ANKS1B: variants seen among roughly 807,000 people sequenced by gnomAD.
ANKS1B encodes ankyrin repeat and sterile alpha motif domain containing 1B, also known as ankyrin repeat and sterile alpha motif domain-containing protein 1B.
ANKS1B carries 36 observed loss-of-function variants against 148.3 expected under a neutral mutation model. The observed-to-expected ratio is 0.24, with a 90% confidence interval of 0.19 to 0.32. The LOEUF (loss-of-function observed/expected upper bound fraction) is 0.32, where lower values mean the gene tolerates loss of function less well. ANKS1B is among the 10% of genes least tolerant of loss of function. The pLI is 1.00. For missense variants in ANKS1B, 1,157 were observed against 1,542.6 expected (o/e 0.75, Z 4.19); for synonymous variants, 542 against 560.8 (o/e 0.97, Z 0.47).
rs1278096216 is a variant in ANKS1B at position 99,865,672 on chromosome 12, G to A, written c.135-40283C>T. On this transcript the variant is annotated intron_variant, in intron 1 of 26. Coordinates refer to ENST00000683438, the MANE Select transcript of ANKS1B (RefSeq NM_001352186.2). The stretch of plus-strand genomic sequence containing the variant: ...ATATAGAGCAGACATCCGAACCCAA[G>A]TACTTAATAGTAGGAGGAAAAAGAA... Among the ~76,000 whole-genome samples the A allele has an allele frequency of 2.0e-5, 3 of 152,270 alleles. No homozygotes were observed. In the East Asian group the frequency reaches 5.8e-4, roughly 29 times the overall value.
chr12:99,606,471 T>C (rs1006837450), intron 9 of ANKS1B, among the ~76,000 whole-genome samples: 1 of 151,990 alleles, frequency 6.6e-6, no homozygotes, highest in African/African-American at 2.4e-5. Flanking sequence ...CTCATATTAG[T>C]ACAAATGATT....
intron 9 of ANKS1B, among the ~76,000 whole-genome samples, chr12:99,643,166 T>C (rs2098326978): frequency 6.6e-6 from 1 of 152,194 alleles, no homozygotes; most frequent in Non-Finnish European, 1.5e-5. Context: ...AATAATCACA[T>C]TCTTCCACAT....
chr12:99,439,809 C>T (rs2095520014), intron 11 of ANKS1B, among the ~76,000 whole-genome samples: 1 of 151,782 alleles, frequency 6.6e-6, no homozygotes, highest in African/African-American at 2.4e-5. Context: ...TATATGAAAA[C>T]ATATGTTTAT....
chr12:99,635,003 GA>G (rs1289928764), intron 9 of ANKS1B, among the ~76,000 whole-genome samples: 2 of 152,164 alleles, frequency 1.3e-5, no homozygotes, highest in Non-Finnish European at 2.9e-5. Context: ...ACAAGCACAT[GA>G]AAAGATGCCC....
chr12:99,481,692 A>G (rs1490018861), intron 10 of ANKS1B, among the ~76,000 whole-genome samples: 2 of 151,854 alleles, frequency 1.3e-5, no homozygotes, highest in Non-Finnish European at 2.9e-5. Flanking sequence ...CCACATCCAC[A>G]CCAACATTTG....
rs1182264550 is a variant in ANKS1B at position 98,769,165 on chromosome 12, C to CTTTTTTTTTTT, written c.3579+3866_3579+3876dup. 4.5e-3 allele frequency among the ~76,000 whole-genome samples: 185 copies of CTTTTTTTTTTT among 41,236 alleles called. 44 individuals carry two copies. The highest frequency in any genetic ancestry group is 7.1e-3 in the South Asian group (4 of 560). The allele number at this position is 41,236 out of a possible 152,430, so 27.1% of individuals were successfully genotyped here. ...TTGAGGTATTATAGGGTCTTCTTTACTTTTTTTTTTTTTTTTTTTTTTTTT... is the reference window on the plus strand; with the variant it reads ...TTGAGGTATTATAGGGTCTTCTTTACTTTTTTTTTTTTTTTTTTTTTTTTTTTTTTTTTTTT... On this transcript the variant is annotated intron_variant, in intron 25 of 26. Coordinates refer to ENST00000683438, the MANE Select transcript of ANKS1B (RefSeq NM_001352186.2).
intron 12 of ANKS1B, among the ~76,000 whole-genome samples, chr12:99,390,895 G>A (rs73151162): frequency 0.096 from 14,580 of 152,228 alleles, 879 homozygotes; most frequent in Non-Finnish European, 0.14. Context: ...ACAGATGGCC[G>A]ACCTGGCAGA....
chr12:99,670,684 G>C (rs1500657), intron 8 of ANKS1B, among the ~76,000 whole-genome samples: 1 of 151,866 alleles, frequency 6.6e-6, no homozygotes, highest in African/African-American at 2.4e-5. Context: ...CTAAAACAAG[G>C]TATTAGAAAA....
At chr12:99,159,944 T>C (rs1486225557) in intron 14 of ANKS1B, among the ~76,000 whole-genome samples, 1 of 152,222 alleles carries the variant, frequency 6.6e-6, no homozygotes, top group Non-Finnish European at 1.5e-5. Context: ...GGTATCTCAT[T>C]GTGGTTTTGA....
chr12:99,023,677 T>A (rs1249234968), intron 17 of ANKS1B, among the ~76,000 whole-genome samples: 1 of 151,900 alleles, frequency 6.6e-6, no homozygotes, highest in East Asian at 1.9e-4. Flanking sequence ...AAGTGTACTT[T>A]TCTCCCATTC....
chr12:99,485,151 A>G (rs964612948), intron 10 of ANKS1B, among the ~76,000 whole-genome samples: 1 of 151,790 alleles, frequency 6.6e-6, no homozygotes, highest in African/African-American at 2.4e-5. Flanking sequence ...TTTGATACAT[A>G]TTGGGCTTTT....
At chr12:99,373,940 C>A (rs2093270331) in intron 12 of ANKS1B, among the ~76,000 whole-genome samples, 1 of 152,124 alleles carries the variant, frequency 6.6e-6, no homozygotes, top group Non-Finnish European at 1.5e-5. Flanking sequence ...TAAATCAATG[C>A]ATTGCTTCTT....
Position 99,404,170 on chromosome 12 carries a change from T to G in ANKS1B, c.1576-4359A>C, listed in dbSNP as rs80207731. On this transcript the variant is annotated intron_variant, in intron 11 of 26. Coordinates refer to ENST00000683438, the MANE Select transcript of ANKS1B (RefSeq NM_001352186.2). Reference sequence around the variant, plus strand: ...GAAGAACAACACATACTGGGCCTATTGGAGAGTGGAGGGTAGGAGGAAGGA... The same window carrying G: ...GAAGAACAACACATACTGGGCCTATGGGAGAGTGGAGGGTAGGAGGAAGGA... Among the ~76,000 whole-genome samples, 477 of 145,824 alleles carry G rather than the reference T, an allele frequency of 3.3e-3. 64 individuals carry two copies. The highest frequency in any genetic ancestry group is 0.011 in the African/African-American group (438 of 38,444).
At chr12:99,866,098 A>C (rs1205923452) in intron 1 of ANKS1B, among the ~76,000 whole-genome samples, 1 of 152,188 alleles carries the variant, frequency 6.6e-6, no homozygotes. Context: ...AGAAACCGTA[A>C]GCCTGGTCAC....
intron 17 of ANKS1B, among the ~76,000 whole-genome samples, chr12:98,967,751 T>TAAAA (rs544792811): frequency 1.4e-4 from 11 of 81,320 alleles, no homozygotes; most frequent in East Asian, 3.0e-4. Flanking sequence ...CAGACAAATC[T>TAAAA]AAAAAAAAAA....
At chr12:99,894,329 G>GAAAGAAAAGAAAAGA (rs1555231428) in intron 1 of ANKS1B, among the ~76,000 whole-genome samples, 57 of 78,074 alleles carry the variant, frequency 7.3e-4, no homozygotes, top group Middle Eastern at 7.5e-3. Context: ...GGGAGGGAGG[G>GAAAGAAAAGAAAAGA]AAAGAAAAGA....
chr12:99,310,915 T>C (rs1158827904), intron 12 of ANKS1B, among the ~76,000 whole-genome samples: 5 of 152,186 alleles, frequency 3.3e-5, no homozygotes, highest in African/African-American at 4.8e-5. Context: ...CTCAGCAAGT[T>C]ATTTAAAATC....
intron 14 of ANKS1B, among the ~76,000 whole-genome samples, chr12:99,218,141 T>C (rs1419864434): frequency 2.6e-5 from 4 of 152,150 alleles, no homozygotes; most frequent in Non-Finnish European, 2.9e-5. Context: ...TATGAAAGTT[T>C]CAAAGCTTCT....
intron 17 of ANKS1B, among the ~76,000 whole-genome samples, chr12:99,007,754 GT>G (rs1192045508): frequency 6.6e-6 from 1 of 152,080 alleles, no homozygotes; most frequent in Non-Finnish European, 1.5e-5. Flanking sequence ...AATTCCTCCT[GT>G]TTTGGGGACT....
Sources: gnomAD v4.1 joint callset for allele counts (sites outside exome capture counted in the v4.1 genomes callset) on GRCh38, gnomAD v4.1.1 for gene constraint, MANE v1.5 for transcripts, NCBI Gene and HGNC (gene_info 2026-07-23, HGNC 2026-07-21) for gene names.